PPP2R2B: variants seen among roughly 807,000 people sequenced by gnomAD.
PPP2R2B encodes protein phosphatase 2 regulatory subunit Bbeta, also known as serine/threonine-protein phosphatase 2A 55 kDa regulatory subunit B beta isoform.
In PPP2R2B, 5 loss-of-function variants were observed where a neutral mutation model predicts 46.0. The observed-to-expected ratio is 0.11, with a 90% CI of 0.06 to 0.23. The LOEUF (loss-of-function observed/expected upper bound fraction) is 0.23. PPP2R2B is among the 10% of genes least tolerant of loss of function. PPP2R2B has a pLI of 1.00. For synonymous variants in PPP2R2B, 215 were observed against 206.7 expected, an observed-to-expected ratio of 1.04 and a Z score of -0.34; for missense variants, 367 against 575.0, an observed-to-expected ratio of 0.64 and a Z score of 3.70.
intron 2 of PPP2R2B, among the ~76,000 whole-genome samples, chr5:146,722,349 A>G (rs1309839997): frequency 1.3e-5 from 2 of 151,850 alleles, no homozygotes. Flanking sequence ...AGTTAGTAAG[A>G]CTTAGGCTAT....
chr5:146,893,697 C>A (rs997179438), intron 1 of PPP2R2B, among the ~76,000 whole-genome samples: 5 of 152,026 alleles, frequency 3.3e-5, no homozygotes, highest in Non-Finnish European at 7.4e-5. Flanking sequence ...GGCAACATCA[C>A]ATACCAGAGG....
At chr5:147,067,261 A>C (rs1056468644) in intron 2 of PPP2R2B, among the ~76,000 whole-genome samples, 2 of 152,270 alleles carry the variant, frequency 1.3e-5, no homozygotes, top group East Asian at 3.9e-4. Context: ...TGTACAGTAC[A>C]TCTCTTGAAT....
At chr5:146,802,264 T>C (rs770592923) in intron 2 of PPP2R2B, among the ~76,000 whole-genome samples, 6 of 152,198 alleles carry the variant, frequency 3.9e-5, no homozygotes, top group African/African-American at 9.7e-5. Context: ...GATACTTCCA[T>C]TGGAAATGTC....
Position 146,585,259 on chromosome 5 carries a change from T to TACACAC in PPP2R2B, c.*4682_*4687dup, listed in dbSNP as rs6149281. 0.32 allele frequency: 41,370 copies of TACACAC among 129,438 alleles called. 6,932 individuals are homozygous for TACACAC. Among genetic ancestry groups the TACACAC allele is most frequent in the Middle Eastern group, 0.38 (97 of 252 alleles). The allele number at this position is 129,438 out of a possible 1,614,324, so 8.0% of individuals were successfully genotyped here. A position where few individuals can be genotyped will look rare whatever the true frequency, so the allele number is the denominator to read the frequency against. On this transcript the variant is annotated 3_prime_UTR_variant, in exon 10 of 10. Transcript: ENST00000394411. ...GATCAGTAACTTCCATCTACATGCATACACACACACACACACACACACACA... is the reference window on the plus strand; with the variant it reads ...GATCAGTAACTTCCATCTACATGCATACACACACACACACACACACACACACACACA...
chr5:146,789,886 T>C (rs1204355767), intron 2 of PPP2R2B, among the ~76,000 whole-genome samples: 2 of 152,148 alleles, frequency 1.3e-5, no homozygotes, highest in African/African-American at 4.8e-5. Flanking sequence ...TGGCCGGATG[T>C]AGCAGATGGT....
chr5:146,657,581 G>C (rs1776417152), intron 5 of PPP2R2B, among the ~76,000 whole-genome samples: 1 of 151,962 alleles, frequency 6.6e-6, no homozygotes, highest in Non-Finnish European at 1.5e-5. Flanking sequence ...GTACCCACAG[G>C]GTAGGTTCTC....
chr5:146,701,518 A>T (rs990731384), intron 2 of PPP2R2B, among the ~76,000 whole-genome samples: 1 of 152,208 alleles, frequency 6.6e-6, no homozygotes, highest in Non-Finnish European at 1.5e-5. Context: ...TCTTCCCCAC[A>T]CAGGCTTCAG....
chr5:146,643,629 A>G (rs1193197444), intron 6 of PPP2R2B, among the ~76,000 whole-genome samples: 1 of 152,128 alleles, frequency 6.6e-6, no homozygotes, highest in African/African-American at 2.4e-5. Context: ...AAGACTACAA[A>G]TTGGGTTCAG....
intron 5 of PPP2R2B, among the ~76,000 whole-genome samples, chr5:146,663,630 C>T (rs1776807142): frequency 6.6e-6 from 1 of 152,036 alleles, no homozygotes; most frequent in South Asian, 2.1e-4. Context: ...ATTAAGTGTA[C>T]AATAGCATTA....
intron 1 of PPP2R2B, among the ~76,000 whole-genome samples, chr5:147,018,466 A>G (rs1056639994): frequency 1.2e-4 from 18 of 152,198 alleles, no homozygotes; most frequent in Admixed American, 1.1e-3. Context: ...CATTTTTTAT[A>G]TATATTTTTT....
At chr5:146,733,395 C>T (rs929806063) in intron 2 of PPP2R2B, among the ~76,000 whole-genome samples, 3 of 152,094 alleles carry the variant, frequency 2.0e-5, no homozygotes, top group African/African-American at 7.2e-5. Context: ...ACAGCAGATA[C>T]CCCAACAGAA....
intron 1 of PPP2R2B, among the ~76,000 whole-genome samples, chr5:146,985,454 G>A (rs1020424426): frequency 6.6e-6 from 1 of 151,870 alleles, no homozygotes; most frequent in Non-Finnish European, 1.5e-5. Flanking sequence ...TGTGTTTTTG[G>A]GGTCAAATTC....
At chr5:146,708,900 T>C (rs1780057323) in intron 2 of PPP2R2B, among the ~76,000 whole-genome samples, 1 of 152,330 alleles carries the variant, frequency 6.6e-6, no homozygotes, top group East Asian at 1.9e-4. Flanking sequence ...AATGGAACTA[T>C]GTTTGAGTTC....
At chr5:146,937,261 A>G (rs1031785929) in intron 1 of PPP2R2B, among the ~76,000 whole-genome samples, 2 of 151,278 alleles carry the variant, frequency 1.3e-5, no homozygotes, top group East Asian at 3.9e-4. Context: ...AGATCATACC[A>G]TTGCACTCCA....
At chr5:146,908,506 G>T (rs547882) in intron 1 of PPP2R2B, among the ~76,000 whole-genome samples, 73,644 of 151,222 alleles carry the variant, frequency 0.49, 19,885 homozygotes, top group African/African-American at 0.72. Context: ...GCCTAGCTAC[G>T]TAATAAAGAA....
intron 1 of PPP2R2B, among the ~76,000 whole-genome samples, chr5:146,923,034 C>T (rs1289328131): frequency 6.6e-6 from 1 of 152,162 alleles, no homozygotes; most frequent in Non-Finnish European, 1.5e-5. Context: ...AAAAGTATTT[C>T]ATTTGATGAC....
chr5:146,712,082 T>C lies in PPP2R2B; in HGVS notation c.71-10940A>G, dbSNP rs1057352783. Among the ~76,000 whole-genome samples, 3 of 152,344 alleles carry C rather than the reference T, an allele frequency of 2.0e-5. No individual in the cohort carries two copies. In the South Asian group the frequency reaches 6.2e-4, roughly 32 times the overall value. Reference sequence around the variant, plus strand: ...AGGCAAGGATTTGATTTTTTCCTCCTAAAACATGAGGTCCCGATGTCAAAC... The same window carrying C: ...AGGCAAGGATTTGATTTTTTCCTCCCAAAACATGAGGTCCCGATGTCAAAC... On this transcript the variant is annotated intron_variant, in intron 2 of 9. Transcript: ENST00000394411.
intron 2 of PPP2R2B, among the ~76,000 whole-genome samples, chr5:146,721,680 C>G (rs997995847): frequency 1.3e-5 from 2 of 152,218 alleles, no homozygotes; most frequent in African/African-American, 4.8e-5. Context: ...TGTGGAAGCT[C>G]CCAGTGATCA....
At position 146,807,776 on chromosome 5, in the gene PPP2R2B, C is replaced by CTTTTTTTTTTTTTTTTT. The variant is rs10583721; in HGVS notation, c.70+70209_70+70225dup. On this transcript the variant is annotated intron_variant, in intron 2 of 9. Transcript: ENST00000394411. ...TTGGTTAAACCTCCTGGGGTGCCTT[C>CTTTTTTTTTTTTTTTTT]TTTTTTTTTTTTTTTTTTTTTTTTT... is the stretch of plus-strand genomic sequence containing the variant. 5.7e-4 allele frequency among the ~76,000 whole-genome samples: 21 copies of CTTTTTTTTTTTTTTTTT among 36,930 alleles called. 7 individuals carry two copies. The highest frequency in any genetic ancestry group is 1.0e-3 in the Non-Finnish European group (18 of 18,068). The allele number at this position is 36,930 out of a possible 152,430, so 24.2% of individuals were successfully genotyped here.
Sources: allele counts gnomAD v4.1 joint callset (sites outside exome capture counted in the v4.1 genomes callset), GRCh38; gene constraint gnomAD v4.1.1; transcripts MANE v1.5; gene names NCBI Gene and HGNC (gene_info 2026-07-23, HGNC 2026-07-21).